The following CADM1 variants were observed in gnomAD, a reference collection of about 807,000 sequenced individuals.
CADM1 encodes TSLC-1.
In CADM1, 15 loss-of-function variants were observed where a neutral mutation model predicts 53.1. The observed-to-expected ratio is 0.28, with a 90% CI of 0.19 to 0.44. The LOEUF (loss-of-function observed/expected upper bound fraction) is 0.44, where lower values mean the gene tolerates loss of function less well. Among genes scored for constraint, CADM1 ranks in the 20% least tolerant of loss-of-function variants. The pLI is 1.00. For missense variants in CADM1, 434 were observed against 611.3 expected, an observed-to-expected ratio of 0.71 and a Z score of 3.06; for synonymous variants, 281 against 243.0, an observed-to-expected ratio of 1.16 and a Z score of -1.45.
intron 1 of CADM1, among the ~76,000 whole-genome samples, chr11:115,417,424 T>C (rs190737801): frequency 7.9e-5 from 12 of 152,328 alleles, no homozygotes; most frequent in Non-Finnish European, 1.8e-4. Flanking sequence ...ACTCCGGATA[T>C]ACCAAACTCC....
intron 8 of CADM1, chr11:115,207,279 T>C (rs1377889066): frequency 1.3e-5 from 2 of 152,172 alleles, no homozygotes; most frequent in Admixed American, 6.5e-5. Context: ...CTAAAGTGCA[T>C]CTATGAGATC....
chr11:115,409,628 C>T (rs1229797972), intron 1 of CADM1, among the ~76,000 whole-genome samples: 2 of 151,820 alleles, frequency 1.3e-5, no homozygotes, highest in African/African-American at 4.8e-5. Flanking sequence ...GTGCTGAAAT[C>T]TGACCTGGTG....
intron 1 of CADM1, among the ~76,000 whole-genome samples, chr11:115,391,500 T>C (rs1359451731): frequency 2.0e-5 from 3 of 151,878 alleles, no homozygotes; most frequent in Non-Finnish European, 2.9e-5. Context: ...ATTCTAAAAT[T>C]AAGCAAGAAA....
At chr11:115,474,974 G>C (rs1949099551) in intron 1 of CADM1, among the ~76,000 whole-genome samples, 1 of 152,118 alleles carries the variant, frequency 6.6e-6, no homozygotes, top group Admixed American at 6.5e-5. Flanking sequence ...TATATATTGT[G>C]GTGGGAAAAC....
chr11:115,431,943 A>G (rs561679373), intron 1 of CADM1, among the ~76,000 whole-genome samples: 1 of 150,852 alleles, frequency 6.6e-6, no homozygotes, highest in African/African-American at 2.4e-5. Flanking sequence ...CATATATATA[A>G]TATATATAAT....
At chr11:115,349,348 T>A (rs767245335) in intron 1 of CADM1, among the ~76,000 whole-genome samples, 18 of 152,200 alleles carry the variant, frequency 1.2e-4, no homozygotes, top group Admixed American at 3.3e-4. Flanking sequence ...TTCTTCTTTA[T>A]TACAGGAAAG....
chr11:115,216,857 G>C (rs561866774), intron 6 of CADM1, among the ~76,000 whole-genome samples: 10 of 152,146 alleles, frequency 6.6e-5, no homozygotes, highest in Non-Finnish European at 1.5e-4. Flanking sequence ...AAGTAGGGAG[G>C]CTTCTTTCCA....
intron 1 of CADM1, chr11:115,399,531 G>T (rs1303105762): frequency 6.6e-6 from 1 of 152,062 alleles, no homozygotes; most frequent in Admixed American, 6.6e-5. Context: ...AAATATGAGA[G>T]AAAACACCAT....
chr11:115,316,071 A>G (rs1333414197), intron 1 of CADM1, among the ~76,000 whole-genome samples: 1 of 152,206 alleles, frequency 6.6e-6, no homozygotes, highest in Non-Finnish European at 1.5e-5. Flanking sequence ...TAATTTGGCC[A>G]GCCATGAACA....
At chr11:115,461,779 G>A (rs1948800189) in intron 1 of CADM1, among the ~76,000 whole-genome samples, 1 of 152,174 alleles carries the variant, frequency 6.6e-6, no homozygotes, top group Non-Finnish European at 1.5e-5. Context: ...ATAGTGAATA[G>A]TTGGAGGTAA....
rs112372249 is a variant in CADM1, at chr11:115,169,676, G to A, written c.*6798C>T. On this transcript the variant is annotated 3_prime_UTR_variant, in exon 12 of 12. Coordinates refer to ENST00000331581, the MANE Select transcript of CADM1 (RefSeq NM_001301043.2). ...AGAGAGAGAGATGGATAGTAATTTC[G>A]TCACTAGCTAACAGAGACTGATTAG... The A allele has an allele frequency of 3.3e-5, 15 of 455,784 alleles. 1 individual carries two copies. Among genetic ancestry groups the A allele is most frequent in the South Asian group, 7.8e-5 (5 of 64,298 alleles). 28.2% of individuals were successfully genotyped at this position (455,784 alleles called of 1,614,324 possible).
chr11:115,169,848 C>A lies in CADM1; in HGVS notation c.*6626G>T. 7.5e-6 allele frequency: 2 copies of A among 266,248 alleles called. No homozygotes were observed. The highest frequency in any genetic ancestry group is 1.5e-5 in the Non-Finnish European group (2 of 132,676). The allele number at this position is 266,248 out of a possible 1,614,324, so 16.5% of individuals were successfully genotyped here. On this transcript the variant is annotated 3_prime_UTR_variant, in exon 12 of 12. Transcript: ENST00000331581. ...ATACACAACTACAGAGAAAACAAAC[C>A]AAAAAGAGTAATAAAGTCACACATT...
intron 1 of CADM1, among the ~76,000 whole-genome samples, chr11:115,485,778 A>C (rs958665241): frequency 6.6e-6 from 1 of 152,224 alleles, no homozygotes; most frequent in African/African-American, 2.4e-5. Flanking sequence ...CTTTACCAGC[A>C]GTGTGAGAAC....
At chr11:115,215,723 A>G (rs562036560) in intron 6 of CADM1, among the ~76,000 whole-genome samples, 15 of 152,324 alleles carry the variant, frequency 9.8e-5, no homozygotes, top group African/African-American at 3.6e-4. Flanking sequence ...CCATTCTTCA[A>G]GGCACTTCCC....
chr11:115,394,031 GGTAGA>G (rs1946919813), intron 1 of CADM1, among the ~76,000 whole-genome samples: 1 of 152,164 alleles, frequency 6.6e-6, no homozygotes, highest in Non-Finnish European at 1.5e-5. Flanking sequence ...AGTATGTACA[GGTAGA>G]GTAATCATTT....
At chr11:115,260,375 T>G (rs1340251334) in intron 1 of CADM1, among the ~76,000 whole-genome samples, 2 of 152,388 alleles carry the variant, frequency 1.3e-5, no homozygotes, top group African/African-American at 4.8e-5. Flanking sequence ...AGGTAATATG[T>G]CACATCATAC....
chr11:115,266,311 A>G (rs1943138543), intron 1 of CADM1, among the ~76,000 whole-genome samples: 1 of 152,256 alleles, frequency 6.6e-6, no homozygotes, highest in African/African-American at 2.4e-5. Flanking sequence ...ATTTTGAAGC[A>G]TAAACCAGCA....
rs772337713 is a variant in CADM1, at chr11:115,190,945, A to C, written c.1112-4T>G. On this transcript the variant is annotated splice_polypyrimidine_tract_variant and splice_region_variant and intron_variant, in intron 9 of 11. Coordinates refer to ENST00000331581, the MANE Select transcript of CADM1 (RefSeq NM_001301043.2). ...GAATTGGGCAACTGAGTAAGGCCTT[A>C]CAAGTAAAAACAAATCGTTTTTCTT... The C allele has an allele frequency of 4.5e-5, 71 of 1,587,760 alleles. No homozygotes were observed. The highest frequency in any genetic ancestry group is 5.4e-5 in the Non-Finnish European group (63 of 1,174,378).
chr11:115,427,029 G>T (rs1188421469), intron 1 of CADM1, among the ~76,000 whole-genome samples: 1 of 152,120 alleles, frequency 6.6e-6, no homozygotes, highest in East Asian at 1.9e-4. Flanking sequence ...AACATTACTT[G>T]GTTCAACTCT....
Sources: gnomAD v4.1 joint callset for allele counts (sites outside exome capture counted in the v4.1 genomes callset) on GRCh38, gnomAD v4.1.1 for gene constraint, MANE v1.5 for transcripts, NCBI Gene and HGNC (gene_info 2026-07-23, HGNC 2026-07-21) for gene names.